QSER1: variants seen among roughly 807,000 people sequenced by gnomAD.
QSER1 encodes the protein glutamine and serine-rich protein 1.
QSER1 carries 49 observed loss-of-function variants against 158.5 expected under a neutral mutation model. That is an observed-to-expected ratio of 0.31 (90% CI 0.25 to 0.39). The LOEUF (loss-of-function observed/expected upper bound fraction) is 0.39, where lower values mean the gene tolerates loss of function less well. Ranked by LOEUF, QSER1 falls within the 10% of genes least tolerant of loss-of-function variation. QSER1 has a pLI of 1.00. For synonymous variants in QSER1, 650 were observed against 715.5 expected (o/e 0.91, Z 1.46); for missense variants, 1,754 against 2,010.3 (o/e 0.87, Z 2.44).
At chr11:32,951,490 T>A in intron 4 of QSER1, among the ~76,000 whole-genome samples, 1 of 152,196 alleles carries the variant, frequency 6.6e-6, no homozygotes, top group East Asian at 1.9e-4. Flanking sequence ...TTTATAGGAA[T>A]TGGGTTGATT....
At chr11:32,910,617 T>TA (rs1197352307) in intron 1 of QSER1, among the ~76,000 whole-genome samples, 9 of 152,276 alleles carry the variant, frequency 5.9e-5, no homozygotes, top group Admixed American at 3.9e-4. Context: ...AGTAAAGACA[T>TA]AGAGACTTAA....
At chr11:32,917,844 A>C (rs76673669) in intron 1 of QSER1, among the ~76,000 whole-genome samples, 11 of 150,310 alleles carry the variant, frequency 7.3e-5, no homozygotes, top group Non-Finnish European at 1.0e-4. Flanking sequence ...AAAAAAAAAA[A>C]CCAGCATTTC....
intron 2 of QSER1, 138 bp downstream of exon 2, chr11:32,927,407 GT>G (rs1162275240): frequency 6.6e-6 from 1 of 152,586 alleles, no homozygotes; most frequent in African/African-American, 2.4e-5. Context: ...GTAAAAGCTT[GT>G]TTTTTGTTTT....
Position 32,932,149 on chromosome 11 carries a change from A to G in QSER1, c.891A>G (p.Ser297=). The G allele has an allele frequency of 6.2e-7, 1 of 1,614,138 alleles. No homozygotes were observed. The highest frequency in any genetic ancestry group is 1.1e-5 in the South Asian group (1 of 91,084). ...AGCAGACTCCTCAAGCCTACAGTTC[A>G]ACTCTCTTTACTAGTTCTACTGCTT... ...GSQQTPQAYS[S]TLFTSSTASI... The change falls in exon 4 of 13, where the codon TCA becomes TCG. Residue 297 remains serine, a synonymous_variant. Coordinates refer to ENST00000650167, the MANE Select transcript of QSER1 (RefSeq NM_001076786.3).
chr11:32,974,288 A>T (rs986407636), intron 11 of QSER1, among the ~76,000 whole-genome samples: 13 of 152,270 alleles, frequency 8.5e-5, no homozygotes, highest in African/African-American at 2.9e-4. Context: ...TTAGCCAGGC[A>T]TGGTGCCATG....
At chr11:32,958,431 A>G (rs551312134) in intron 8 of QSER1, among the ~76,000 whole-genome samples, 1 of 151,920 alleles carries the variant, frequency 6.6e-6, no homozygotes, top group African/African-American at 2.4e-5. Context: ...TCTGTCGCCC[A>G]GGCTGAAGTG....
intron 10 of QSER1, among the ~76,000 whole-genome samples, chr11:32,971,493 T>G (rs1852855857): frequency 6.6e-6 from 1 of 152,184 alleles, no homozygotes; most frequent in Non-Finnish European, 1.5e-5. Flanking sequence ...ACTGACTTAG[T>G]GTGTGTTGTT....
At chr11:32,972,011 C>T (rs975914733) in intron 10 of QSER1, among the ~76,000 whole-genome samples, 28 of 149,250 alleles carry the variant, frequency 1.9e-4, no homozygotes, top group Middle Eastern at 3.2e-3. Context: ...TGCAGTGAGC[C>T]GAGATCACGC....
intron 1 of QSER1, among the ~76,000 whole-genome samples, chr11:32,913,575 T>C (rs1253995254): frequency 1.3e-5 from 2 of 152,210 alleles, no homozygotes; most frequent in African/African-American, 4.8e-5. Context: ...CTTATGCTCT[T>C]TTATTTCTCT....
chr11:32,965,499 C>T (rs186608466), intron 8 of QSER1, among the ~76,000 whole-genome samples: 148 of 152,294 alleles, frequency 9.7e-4, no homozygotes, highest in African/African-American at 3.5e-3. Context: ...ATGTATTACT[C>T]ATACATTGGA....
chr11:32,913,734 A>G (rs1400618606), intron 1 of QSER1, among the ~76,000 whole-genome samples: 4 of 152,178 alleles, frequency 2.6e-5, no homozygotes, highest in Non-Finnish European at 5.9e-5. Context: ...TATGTGCTTT[A>G]TTGTTTACTC....
intron 9 of QSER1, 30 bp from the exon 10 acceptor site, chr11:32,969,016 T>G (rs1168778910): frequency 1.6e-5 from 19 of 1,190,568 alleles, no homozygotes; most frequent in Non-Finnish European, 2.2e-5. Context: ...TATTGATAGT[T>G]TATCCTGTTA....
Position 32,964,733 on chromosome 11 carries a change from T to TACACAC in QSER1, c.4970-1566_4970-1565insCACACA, listed in dbSNP as rs1246383757. 4.0e-3 allele frequency among the ~76,000 whole-genome samples: 460 copies of TACACAC among 115,214 alleles called. 2 individuals are homozygous for TACACAC. Among genetic ancestry groups the TACACAC allele is most frequent in the Non-Finnish European group, 6.2e-3 (339 of 54,318 alleles). The allele number at this position is 115,214 out of a possible 152,430, so 75.6% of individuals were successfully genotyped here. Reference sequence around the variant, plus strand: ...AAAAAACACCATATATATATATATATATATATACACACACACACACACACA... The same window carrying TACACAC: ...AAAAAACACCATATATATATATATATACACACATATATACACACACACACACACACA... On this transcript the variant is annotated intron_variant, in intron 8 of 12. Transcript: ENST00000650167.
At chr11:32,898,197 A>G (rs564367061) in intron 1 of QSER1, among the ~76,000 whole-genome samples, 4 of 152,172 alleles carry the variant, frequency 2.6e-5, no homozygotes, top group Admixed American at 6.5e-5. Flanking sequence ...CATCTGTAAT[A>G]TGGTCAGGCG....
intron 8 of QSER1, among the ~76,000 whole-genome samples, chr11:32,963,001 GGT>G: frequency 6.6e-6 from 1 of 152,010 alleles, no homozygotes; most frequent in South Asian, 2.1e-4. Flanking sequence ...CAACTGTATG[GGT>G]GCTCCTCCTG....
rs1306613157 is a variant in QSER1, at chr11:32,893,489, CTACGGGGT to C, written c.209+156_209+163del. On this transcript the variant is annotated intron_variant, in intron 1 of 12. Coordinates refer to ENST00000650167, the MANE Select transcript of QSER1 (RefSeq NM_001076786.3). This position sits in a 1 kb window ranked among gnomAD's most constrained non-coding sequence, Gnocchi z 4.7. The stretch of plus-strand genomic sequence containing the variant: ...GCTCGGGGGAGGCGGCTGATGACTC[CTACGGGGT>C]GGTCGCGGGTAGGTGGGGGCGCCCG... Among the ~76,000 whole-genome samples, 9 of 152,172 alleles carry C rather than the reference CTACGGGGT, an allele frequency of 5.9e-5. No individual in the cohort carries two copies. Among genetic ancestry groups the C allele is most frequent in the African/African-American group, 4.8e-5 (2 of 41,446 alleles).
chr11:32,933,581 A>C lies in QSER1; in HGVS notation c.2323A>C (p.Ile775Leu). 4 of 1,614,062 alleles carry C rather than the reference A, an allele frequency of 2.5e-6. No homozygotes were observed. The highest frequency in any genetic ancestry group is 3.4e-6 in the Non-Finnish European group (4 of 1,179,962). The change falls in exon 4 of 13, where the codon ATT (isoleucine) becomes CTT (leucine). Residue 775 changes from isoleucine (I) to leucine (L), a missense_variant. Physicochemically the swap from Ile to Leu is conservative, Grantham distance 5. This residue lies in a region of QSER1 where 1,707 missense variants were observed against 1,919.6 expected (regional missense o/e 0.89). Coordinates refer to ENST00000650167, the MANE Select transcript of QSER1 (RefSeq NM_001076786.3). Reference protein sequence around the residue: ...VGSVTQLNQQIGQVNNAATLD... With the variant: ...VGSVTQLNQQLGQVNNAATLD... ...TTCAGTGACACAACTTAACCAACAA[A>C]TTGGCCAAGTCAATAATGCAGCTAC...
intron 3 of QSER1, among the ~76,000 whole-genome samples, chr11:32,929,731 A>G (rs536108416): frequency 6.6e-6 from 1 of 152,312 alleles, no homozygotes; most frequent in African/African-American, 2.4e-5. Context: ...TGAGATTACA[A>G]TATGATCATT....
chr11:32,942,635 G>C (rs1277419288), intron 4 of QSER1, among the ~76,000 whole-genome samples: 3 of 152,182 alleles, frequency 2.0e-5, no homozygotes, highest in Admixed American at 6.5e-5. Flanking sequence ...GGTTCCTGTA[G>C]CCTTGTAGTA....
Sources: allele counts gnomAD v4.1 joint callset (sites outside exome capture counted in the v4.1 genomes callset), GRCh38; gene constraint gnomAD v4.1.1; regional missense constraint gnomAD v4.1.1; non-coding constraint Gnocchi (gnomAD v3.1); transcripts MANE v1.5; gene names NCBI Gene and HGNC (gene_info 2026-07-23, HGNC 2026-07-21).